The following ADGRD1 variants were observed in gnomAD, a reference collection of about 807,000 sequenced individuals.
The protein encoded by ADGRD1 is adhesion G protein-coupled receptor D1, also known as G-protein coupled receptor 133.
A neutral mutation model predicts 113.4 loss-of-function variants in ADGRD1; 77 were observed. The ratio of observed to expected loss-of-function variants is 0.68; its 90% CI spans 0.57 to 0.82. ADGRD1 has a LOEUF of 0.82. Among genes scored for constraint, ADGRD1 ranks in the 40% least tolerant of loss-of-function variants. ADGRD1 has a pLI of 0.00. For synonymous variants in ADGRD1, 474 were observed against 475.0 expected (o/e 1.00, Z 0.03); for missense variants, 1,036 against 1,139.1 (o/e 0.91, Z 1.30).
chr12:130,979,817 TCACACACACACACACA>T (rs10526212), intron 4 of ADGRD1, among the ~76,000 whole-genome samples: 681 of 53,928 alleles, frequency 0.013, 6 homozygotes, highest in African/African-American at 0.022. Flanking sequence ...AGCTAGTGTC[TCACACACACACACACA>T]CACACACACA....
At chr12:131,047,898 G>A (rs1882998918) in intron 13 of ADGRD1, among the ~76,000 whole-genome samples, 1 of 152,200 alleles carries the variant, frequency 6.6e-6, no homozygotes, top group Admixed American at 6.5e-5. Flanking sequence ...TGCAGAACCA[G>A]GCCCTGTGGA....
rs1951213653 is a variant in ADGRD1, at chr12:131,140,311, C to T, written c.*1048C>T. 1 of 152,234 alleles carries T rather than the reference C, an allele frequency of 6.6e-6. No homozygotes were observed. The highest frequency in any genetic ancestry group is 1.5e-5 in the Non-Finnish European group (1 of 68,076). 9.4% of individuals were successfully genotyped at this position (152,234 alleles called of 1,614,324 possible). A position where few individuals can be genotyped will look rare whatever the true frequency, so the allele number is the denominator to read the frequency against. On this transcript the variant is annotated 3_prime_UTR_variant, in exon 25 of 25. Transcript: ENST00000261654. ...CTGGTCACCATGAGACCGACCTGCG[C>T]TGAGTCCCCACTGACCTGGAGAGGG... is the stretch of plus-strand genomic sequence containing the variant.
At chr12:131,094,965 A>G (rs548088481) in intron 15 of ADGRD1, among the ~76,000 whole-genome samples, 2 of 87,236 alleles carry the variant, frequency 2.3e-5, no homozygotes, top group Admixed American at 1.3e-4. Context: ...TGCCCTACCC[A>G]CCCCTTCCCA....
intron 13 of ADGRD1, among the ~76,000 whole-genome samples, chr12:131,021,977 T>C (rs747069516): frequency 4.6e-5 from 7 of 152,176 alleles, no homozygotes; most frequent in Non-Finnish European, 1.0e-4. Context: ...GTGCTGGGAT[T>C]ACAGGTATGA....
rs1006802897 is a variant in ADGRD1, at chr12:131,049,290, G to T, written c.1474-27511G>T. Among the ~76,000 whole-genome samples, 3 of 152,196 alleles carry T rather than the reference G, an allele frequency of 2.0e-5. No homozygotes were observed. In the East Asian group the frequency reaches 5.8e-4, roughly 29 times the overall value. ...GGTGGGACCTGGCCTTGGGGGGCAG[G>T]TTGTGAGCCCTGCGCTGTCAGGCAT... On this transcript the variant is annotated intron_variant, in intron 13 of 24. Transcript: ENST00000261654.
chr12:130,979,324 A>T (rs1472669874), intron 4 of ADGRD1, among the ~76,000 whole-genome samples: 1 of 152,158 alleles, frequency 6.6e-6, no homozygotes, highest in Non-Finnish European at 1.5e-5. Flanking sequence ...AAAATGGGGA[A>T]ATTCCATACC....
intron 4 of ADGRD1, chr12:130,981,231 A>C (rs1872950659): frequency 6.6e-6 from 1 of 152,178 alleles, no homozygotes; most frequent in Non-Finnish European, 1.5e-5. Context: ...AGAAAACCTT[A>C]AGATCCAGCA....
rs577709545 is a variant in ADGRD1, at chr12:131,008,633, C to T, written c.1331+2586C>T. 1.1e-3 allele frequency among the ~76,000 whole-genome samples: 170 copies of T among 152,314 alleles called. 1 individual carries two copies. The highest frequency in any genetic ancestry group is 4.1e-3 in the African/African-American group (169 of 41,584). On this transcript the variant is annotated intron_variant, in intron 12 of 24. Transcript: ENST00000261654. ...CCGGTGGGGGCTTAGCTGCTTCTTG[C>T]CCGGCTGCTTGTACCCCTAGGATCC...
chr12:131,017,956 G>C (rs1878826434), intron 13 of ADGRD1, among the ~76,000 whole-genome samples: 1 of 152,028 alleles, frequency 6.6e-6, no homozygotes, highest in Non-Finnish European at 1.5e-5. Context: ...CCCAGTGCAT[G>C]TACCTGCATC....
At chr12:131,102,714 C>T (rs1950117023) in intron 15 of ADGRD1, among the ~76,000 whole-genome samples, 1 of 152,178 alleles carries the variant, frequency 6.6e-6, no homozygotes, top group Non-Finnish European at 1.5e-5. Flanking sequence ...GCACCTGCTG[C>T]AGGGAAGCCC....
In ADGRD1 at chr12:131,050,483, AG is replaced by A. The variant is rs1883274304; in HGVS notation, c.1474-26313del. Among the ~76,000 whole-genome samples, 1 of 152,068 alleles carries A rather than the reference AG, an allele frequency of 6.6e-6. No individual in the cohort carries two copies. The highest frequency in any genetic ancestry group is 2.4e-5 in the African/African-American group (1 of 41,406). ...AGGTTTAATTGCCTCACGGTTCTGC[AG>A]GGGGAACAGGAAGCATGGTGCTGAC... is the stretch of plus-strand genomic sequence containing the variant. On this transcript the variant is annotated intron_variant, in intron 13 of 24. Transcript: ENST00000261654. The surrounding 1 kb of genome is among the most constrained non-coding windows in gnomAD (Gnocchi z 4.8).
intron 14 of ADGRD1, among the ~76,000 whole-genome samples, chr12:131,077,473 C>T (rs934328836): frequency 2.6e-5 from 4 of 152,222 alleles, no homozygotes; most frequent in East Asian, 1.9e-4. Flanking sequence ...CTCGCCTCCA[C>T]GGCTCACCTG....
intron 18 of ADGRD1, among the ~76,000 whole-genome samples, chr12:131,110,723 T>C (rs1950329266): frequency 6.6e-6 from 1 of 152,232 alleles, no homozygotes; most frequent in Non-Finnish European, 1.5e-5. Context: ...TATGTGTATG[T>C]ATGTTTCTGT....
At chr12:131,048,933 G>A (rs545213368) in intron 13 of ADGRD1, among the ~76,000 whole-genome samples, 1 of 152,302 alleles carries the variant, frequency 6.6e-6, no homozygotes, top group South Asian at 2.1e-4. Flanking sequence ...AGGGGTCTGA[G>A]AAGGAAGAAA....
chr12:131,006,511 G>A (rs889555575), intron 12 of ADGRD1, among the ~76,000 whole-genome samples: 1 of 152,218 alleles, frequency 6.6e-6, no homozygotes, highest in Non-Finnish European at 1.5e-5. Context: ...CTGGACCCGG[G>A]GACCCCGAGG....
At chr12:131,046,866 T>TCCTCCCTGGTCAGTGCTC (rs1171233913) in intron 13 of ADGRD1, among the ~76,000 whole-genome samples, 1 of 130,690 alleles carries the variant, frequency 7.7e-6, no homozygotes, top group Non-Finnish European at 1.6e-5. Flanking sequence ...CTGGTCAGTG[T>TCCTCCCTGGTCAGTGCTC]CCTCCCTGGT....
chr12:130,977,595 C>G (rs1257530840), intron 4 of ADGRD1: 1 of 152,364 alleles, frequency 6.6e-6, no homozygotes, highest in East Asian at 1.9e-4. Flanking sequence ...CCCTGCCTTG[C>G]TCCAGCTCTG....
chr12:131,131,877 A>T, intron 21 of ADGRD1, 61 bp downstream of exon 21: 1 of 1,093,006 alleles, frequency 9.1e-7, no homozygotes, highest in African/African-American at 1.5e-5. Flanking sequence ...GGATGCTTTG[A>T]GGTCACAGGA....
At chr12:131,001,109 A>G (rs1215117153) in intron 9 of ADGRD1, among the ~76,000 whole-genome samples, 1 of 152,032 alleles carries the variant, frequency 6.6e-6, no homozygotes, top group Non-Finnish European at 1.5e-5. Context: ...CCATCCCATC[A>G]TTCTTGAATG....
Sources: allele counts gnomAD v4.1 joint callset (sites outside exome capture counted in the v4.1 genomes callset), GRCh38; gene constraint gnomAD v4.1.1; non-coding constraint Gnocchi (gnomAD v3.1); transcripts MANE v1.5; gene names NCBI Gene and HGNC (gene_info 2026-07-23, HGNC 2026-07-21).